Variants in PLCG2 observed in about 807,000 individuals in gnomAD.
PLCG2 encodes phospholipase C gamma 2.
In PLCG2, 69 loss-of-function variants were observed where a neutral mutation model predicts 175.6. That is an observed-to-expected ratio of 0.39 (90% confidence interval 0.32 to 0.48). The LOEUF is 0.48. Among genes scored for constraint, PLCG2 ranks in the 20% least tolerant of loss-of-function variants. The pLI is 0.91. For synonymous variants in PLCG2, 827 were observed against 624.0 expected, an observed-to-expected ratio of 1.33 and a Z score of -4.85; for missense variants, 1,798 against 1,650.9, an observed-to-expected ratio of 1.09 and a Z score of -1.54.
Position 81,883,338 on chromosome 16 carries a change from G to A in PLCG2, c.762G>A (p.Gln254=). 1.2e-6 allele frequency: 2 copies of A among 1,613,254 alleles called. No individual in the cohort carries two copies. The highest frequency in any genetic ancestry group is 1.7e-6 in the Non-Finnish European group (2 of 1,179,342). The change falls in exon 9 of 33, where the codon CAG becomes CAA. Residue 254 remains glutamine (Q), a synonymous_variant. Transcript: ENST00000564138. Reference sequence around the variant, plus strand: ...TCCAGAGGTTTCTCATACATGAACAGCAGGTGAGAGCACAAGGTGTGTGGG... The same window carrying A: ...TCCAGAGGTTTCTCATACATGAACAACAGGTGAGAGCACAAGGTGTGTGGG... The part of the protein sequence containing the change: ...HDFQRFLIHE[Q]QEHWAQDLNK...
chr16:81,762,554 G>A (rs779616410), intron 2 of PLCG2, among the ~76,000 whole-genome samples: 6 of 151,716 alleles, frequency 4.0e-5, no homozygotes, highest in Non-Finnish European at 8.8e-5. Flanking sequence ...GGGCAATAGA[G>A]TGAGACTCCG....
chr16:81,788,053 G>T (rs977120136), intron 2 of PLCG2, among the ~76,000 whole-genome samples: 1 of 152,108 alleles, frequency 6.6e-6, no homozygotes, highest in African/African-American at 2.4e-5. Flanking sequence ...TTGTGTGGAT[G>T]TCTGTTTTTA....
intron 2 of PLCG2, among the ~76,000 whole-genome samples, chr16:81,830,647 GGTGT>G (rs58171961): frequency 1.2e-3 from 183 of 149,570 alleles, no homozygotes; most frequent in African/African-American, 3.9e-3. Flanking sequence ...AAATGTGTGG[GGTGT>G]GTGTGTGTGT....
chr16:81,893,760 C>G lies in PLCG2; in HGVS notation c.1038C>G (p.Ile346Met). 6.2e-7 allele frequency: 1 copy of G among 1,612,562 alleles called. No individual in the cohort carries two copies. The highest frequency in any genetic ancestry group is 8.5e-7 in the Non-Finnish European group (1 of 1,179,282). The change falls in exon 12 of 33, where the codon ATC (isoleucine) becomes ATG (methionine). Residue 346 changes from isoleucine to methionine, a missense_variant. By Grantham distance (10) the Ile-to-Met change is conservative. Transcript: ENST00000564138. ...LRSESSPEAY[I>M]RCLRMGCRCI... ...GCGAGTCGTCCCCAGAAGCTTACATCCGCTGCCTGCGCATGGGCTGTCGCT... is the reference window on the plus strand; with the variant it reads ...GCGAGTCGTCCCCAGAAGCTTACATGCGCTGCCTGCGCATGGGCTGTCGCT...
intron 5 of PLCG2, among the ~76,000 whole-genome samples, chr16:81,862,184 G>T (rs575246940): frequency 6.6e-6 from 1 of 152,342 alleles, no homozygotes; most frequent in South Asian, 2.1e-4. Flanking sequence ...GAAAACAAAG[G>T]AGCCACAGAG....
intron 10 of PLCG2, among the ~76,000 whole-genome samples, chr16:81,890,704 C>T (rs1183410429): frequency 1.3e-5 from 2 of 152,160 alleles, no homozygotes; most frequent in East Asian, 1.9e-4. Context: ...AGGTCGTTCT[C>T]ACGCAGCAGA....
rs749117533 is a variant in PLCG2 at position 81,854,393 on chromosome 16, C to CACA, written c.194-50_194-49insCAA. 18 of 1,568,814 alleles carry CACA rather than the reference C, an allele frequency of 1.1e-5. No homozygotes were observed. In the East Asian group the frequency reaches 3.8e-4, roughly 33 times the overall value. On this transcript the variant is annotated intron_variant, in intron 2 of 32. Coordinates refer to ENST00000564138, the MANE Select transcript of PLCG2 (RefSeq NM_002661.5). ...GGCTGCAGTTGTGTGGCTGCATCCT[C>CACA]AGGTGGAGGGAACTCCAGCTTCTAA...
chr16:81,914,856 C>A (rs1034947631), intron 19 of PLCG2, among the ~76,000 whole-genome samples: 3 of 152,348 alleles, frequency 2.0e-5, no homozygotes, highest in African/African-American at 2.4e-5. Flanking sequence ...CCATGGCCCA[C>A]TGTCAGGGAA....
chr16:81,915,701 G>T (rs1909812216), intron 19 of PLCG2, among the ~76,000 whole-genome samples: 1 of 152,218 alleles, frequency 6.6e-6, no homozygotes, highest in Non-Finnish European at 1.5e-5. Context: ...GATCCCCGAT[G>T]CTGTGGATCG....
intron 2 of PLCG2, among the ~76,000 whole-genome samples, chr16:81,764,887 C>A (rs528061821): frequency 1.3e-5 from 2 of 152,050 alleles, no homozygotes; most frequent in African/African-American, 4.8e-5. Flanking sequence ...CTCAGGAGTT[C>A]GAGACCAGCC....
intron 27 of PLCG2, 141 bp from the exon 28 acceptor site, chr16:81,937,615 CTT>C (rs1910768021): frequency 4.9e-6 from 3 of 610,784 alleles, no homozygotes; most frequent in Admixed American, 6.4e-5. Context: ...CCTATATTTT[CTT>C]TGAGTGAGAT....
chr16:81,858,203 T>C (rs1906780997), intron 3 of PLCG2, 60 bp from the exon 4 acceptor site: 3 of 1,207,844 alleles, frequency 2.5e-6, no homozygotes, highest in Non-Finnish European at 3.7e-6. Flanking sequence ...GGCAGGGCTT[T>C]GTAAGCAGAC....
intron 21 of PLCG2, 51 bp from the exon 22 acceptor site, chr16:81,923,434 C>G: frequency 9.6e-6 from 11 of 1,147,948 alleles, no homozygotes; most frequent in African/African-American, 1.5e-5. Context: ...CAGCCGCCTC[C>G]CTCCCCTCCT....
intron 2 of PLCG2, among the ~76,000 whole-genome samples, chr16:81,792,105 T>A (rs1364876921): frequency 6.6e-6 from 1 of 152,172 alleles, no homozygotes; most frequent in Non-Finnish European, 1.5e-5. Flanking sequence ...AGCTCCCACA[T>A]GAGCATGTCG....
chr16:81,795,922 G>A (rs944916424), intron 2 of PLCG2, among the ~76,000 whole-genome samples: 1 of 152,232 alleles, frequency 6.6e-6, no homozygotes, highest in African/African-American at 2.4e-5. Flanking sequence ...GGGATGCTGG[G>A]AAACATGCCC....
chr16:81,954,456 C>G (rs1045393770), intron 31 of PLCG2, among the ~76,000 whole-genome samples: 4 of 152,142 alleles, frequency 2.6e-5, no homozygotes, highest in African/African-American at 9.7e-5. Context: ...GTTTGCTGTA[C>G]TCGTCAACCT....
At chr16:81,773,673 A>T (rs575622775) in intron 2 of PLCG2, among the ~76,000 whole-genome samples, 2 of 152,276 alleles carry the variant, frequency 1.3e-5, no homozygotes, top group East Asian at 3.9e-4. Flanking sequence ...CAATGTAGTG[A>T]CTACTGAGTC....
At chr16:81,804,899 G>T (rs1201169175) in intron 2 of PLCG2, among the ~76,000 whole-genome samples, 1 of 152,190 alleles carries the variant, frequency 6.6e-6, no homozygotes, top group East Asian at 1.9e-4. Context: ...TGTCAGTATT[G>T]TGCTGGGCAC....
At chr16:81,836,038 G>C (rs1337189620) in intron 2 of PLCG2, among the ~76,000 whole-genome samples, 1 of 152,142 alleles carries the variant, frequency 6.6e-6, no homozygotes, top group Non-Finnish European at 1.5e-5. Flanking sequence ...CCAGGGACTG[G>C]ACTTCTATGT....
Sources: allele counts gnomAD v4.1 joint callset (sites outside exome capture counted in the v4.1 genomes callset), GRCh38; gene constraint gnomAD v4.1.1; transcripts MANE v1.5; gene names NCBI Gene and HGNC (gene_info 2026-07-23, HGNC 2026-07-21).